RXFP1: variants seen among roughly 807,000 people sequenced by gnomAD.
RXFP1 encodes relaxin family peptide receptor 1, also known as relaxin receptor 1.
A neutral mutation model predicts 89.8 loss-of-function variants in RXFP1; 73 were observed. That is an observed-to-expected ratio of 0.81 (90% CI 0.67 to 0.99). The LOEUF (loss-of-function observed/expected upper bound fraction) is 0.99, where lower values mean the gene tolerates loss of function less well. Ranked by LOEUF, RXFP1 falls within the 50% of genes least tolerant of loss-of-function variation. The pLI is 0.00. For synonymous variants in RXFP1, 277 were observed against 305.5 expected, an observed-to-expected ratio of 0.91 and a Z score of 0.97; for missense variants, 793 against 895.5, an observed-to-expected ratio of 0.89 and a Z score of 1.46.
intron 6 of RXFP1, chr4:158,610,577 G>C: frequency 1.5e-6 from 1 of 671,680 alleles, no homozygotes. Flanking sequence ...TTCCAAACCT[G>C]TGTTGCTGAA....
intron 9 of RXFP1, among the ~76,000 whole-genome samples, chr4:158,620,887 G>A (rs541203528): frequency 2.0e-4 from 30 of 152,170 alleles, no homozygotes; most frequent in African/African-American, 5.1e-4. Flanking sequence ...TTGGGAGGCC[G>A]AGGCAGGAGG....
intron 1 of RXFP1, among the ~76,000 whole-genome samples, chr4:158,541,108 C>T (rs1746500677): frequency 6.6e-6 from 1 of 152,084 alleles, no homozygotes; most frequent in Admixed American, 6.5e-5. Flanking sequence ...CAGAGTCATG[C>T]TTTTTGTTAT....
intron 1 of RXFP1, among the ~76,000 whole-genome samples, chr4:158,558,356 A>G (rs1408315436): frequency 1.3e-5 from 2 of 152,206 alleles, no homozygotes; most frequent in Non-Finnish European, 2.9e-5. Flanking sequence ...CAAATCATTG[A>G]GCCTTCCTTA....
At chr4:158,601,909 A>G (rs924180197) in intron 4 of RXFP1, among the ~76,000 whole-genome samples, 8 of 152,162 alleles carry the variant, frequency 5.3e-5, no homozygotes, top group African/African-American at 1.9e-4. Flanking sequence ...TGACTATTTG[A>G]GACTTGGCTT....
intron 1 of RXFP1, among the ~76,000 whole-genome samples, chr4:158,567,488 G>A (rs1318183869): frequency 6.6e-6 from 1 of 151,928 alleles, no homozygotes; most frequent in African/African-American, 2.4e-5. Flanking sequence ...TCTAGCTCAG[G>A]GTTTGTGAAT....
chr4:158,613,267 G>A lies in RXFP1; in HGVS notation c.680+905G>A, dbSNP rs904018013. On this transcript the variant is annotated intron_variant, in intron 8 of 17. Transcript: ENST00000307765. ...CACAGTAGTGGTTGCTGAAGCCTGG[G>A]GTGGCTGTGGCAATTTCTTAAAATA... Among the ~76,000 whole-genome samples the A allele has an allele frequency of 2.0e-5, 3 of 152,100 alleles. No individual in the cohort carries two copies. In the East Asian group the frequency reaches 5.8e-4, roughly 29 times the overall value.
intron 2 of RXFP1, among the ~76,000 whole-genome samples, chr4:158,582,089 A>G (rs962264908): frequency 6.6e-6 from 1 of 152,142 alleles, no homozygotes; most frequent in Admixed American, 6.5e-5. Flanking sequence ...ACCCACATTC[A>G]TGATCCAAAC....
chr4:158,566,530 A>T (rs1272572676), intron 1 of RXFP1, among the ~76,000 whole-genome samples: 1 of 152,116 alleles, frequency 6.6e-6, no homozygotes, highest in African/African-American at 2.4e-5. Flanking sequence ...CACCCAGCTA[A>T]CCTTTTGCAT....
chr4:158,563,999 T>C (rs1753045643), intron 1 of RXFP1, among the ~76,000 whole-genome samples: 1 of 150,282 alleles, frequency 6.7e-6, no homozygotes, highest in South Asian at 2.1e-4. Context: ...AATTATATAC[T>C]GTTATAACAT....
intron 3 of RXFP1, among the ~76,000 whole-genome samples, chr4:158,595,401 C>T (rs1241203726): frequency 2.0e-5 from 3 of 152,158 alleles, no homozygotes; most frequent in African/African-American, 4.8e-5. Context: ...GCCAGCTCCT[C>T]CTCTGTTCTT....
At chr4:158,610,040 A>G (rs938836542) in intron 6 of RXFP1, among the ~76,000 whole-genome samples, 1 of 152,216 alleles carries the variant, frequency 6.6e-6, no homozygotes, top group Non-Finnish European at 1.5e-5. Flanking sequence ...CTGAGGTGGA[A>G]GGATCACGAG....
intron 15 of RXFP1, among the ~76,000 whole-genome samples, chr4:158,645,830 G>T (rs1446348546): frequency 6.6e-6 from 1 of 151,936 alleles, no homozygotes; most frequent in Non-Finnish European, 1.5e-5. Context: ...CCCATGTGCT[G>T]TCCCCATCCT....
At chr4:158,527,099 C>G (rs1270852170) in intron 1 of RXFP1, among the ~76,000 whole-genome samples, 2 of 152,066 alleles carry the variant, frequency 1.3e-5, no homozygotes, top group Non-Finnish European at 2.9e-5. Flanking sequence ...ACAAATGAAA[C>G]AGCAGATAAT....
At chr4:158,646,597 T>C in intron 15 of RXFP1, 194 bp from the exon 16 acceptor site, 1 of 1,399,048 alleles carries the variant, frequency 7.1e-7, no homozygotes, top group South Asian at 1.7e-5. Context: ...GAGAGTAACT[T>C]TGAGAGTGGT....
Position 158,645,031 on chromosome 4 carries a change from G to A in RXFP1, c.1238G>A (p.Trp413Ter). The A allele has an allele frequency of 6.2e-7, 1 of 1,614,120 alleles. No homozygotes were observed. The highest frequency in any genetic ancestry group is 8.5e-7 in the Non-Finnish European group (1 of 1,179,992). The change falls in exon 15 of 18, where the codon TGG becomes TAG. Residue 413 changes from tryptophan to a stop codon, truncating the protein, a stop_gained. Transcript: ENST00000307765. LOFTEE classifies it high-confidence loss of function. ...AGCATTATTCAGAGAGTATTTGTCT[G>A]GGTTGTATCTGCAGTTACCTGCTTT... is the stretch of plus-strand genomic sequence containing the variant. The part of the protein sequence containing the change: ...LASIIQRVFV[W>*]VVSAVTCFGN...
chr4:158,586,709 G>T (rs750483476), intron 2 of RXFP1, among the ~76,000 whole-genome samples: 3 of 152,120 alleles, frequency 2.0e-5, no homozygotes, highest in Non-Finnish European at 4.4e-5. Context: ...CCTTCTGGTG[G>T]GAGGAAGTAA....
chr4:158,542,813 G>C (rs978261705), intron 1 of RXFP1, among the ~76,000 whole-genome samples: 1 of 152,070 alleles, frequency 6.6e-6, no homozygotes, highest in Non-Finnish European at 1.5e-5. Flanking sequence ...AGTTCCTTCT[G>C]TATCAGTTAG....
intron 1 of RXFP1, among the ~76,000 whole-genome samples, chr4:158,528,223 G>C (rs977155876): frequency 1.3e-5 from 2 of 152,180 alleles, no homozygotes; most frequent in African/African-American, 2.4e-5. Flanking sequence ...AGTAAGGCGG[G>C]GGGCAGTGTC....
chr4:158,548,585 G>C (rs1749179124), intron 1 of RXFP1, among the ~76,000 whole-genome samples: 2 of 152,264 alleles, frequency 1.3e-5, no homozygotes, highest in South Asian at 2.1e-4. Context: ...GCAGTGGCTG[G>C]TACTGGTTGT....
Sources: gnomAD v4.1 joint callset for allele counts (sites outside exome capture counted in the v4.1 genomes callset) on GRCh38, gnomAD v4.1.1 for gene constraint, MANE v1.5 for transcripts, NCBI Gene and HGNC (gene_info 2026-07-23, HGNC 2026-07-21) for gene names.